The following EPB41L3 variants were observed in gnomAD, a reference collection of about 807,000 sequenced individuals.
EPB41L3 encodes the protein erythrocyte membrane protein band 4.1 like 3.
EPB41L3 carries 57 observed loss-of-function variants against 127.1 expected under a neutral mutation model. The observed-to-expected ratio is 0.45, with a 90% CI of 0.36 to 0.56. The LOEUF is 0.56. Among genes scored for constraint, EPB41L3 ranks in the 20% least tolerant of loss-of-function variants. The probability of loss-of-function intolerance (pLI) is 0.00; values close to 1 mark genes in which losing one functional copy is unlikely to be tolerated. For missense variants in EPB41L3, 1,273 were observed against 1,372.2 expected, an observed-to-expected ratio of 0.93 and a Z score of 1.14; for synonymous variants, 572 against 549.5, an observed-to-expected ratio of 1.04 and a Z score of -0.57.
At chr18:5,557,021 C>T (rs1159269045) in intron 3 of EPB41L3, among the ~76,000 whole-genome samples, 1 of 152,136 alleles carries the variant, frequency 6.6e-6, no homozygotes, top group Non-Finnish European at 1.5e-5. Context: ...TCTGTGGACA[C>T]ATAGCTGCAA....
chr18:5,450,617 AAAAT>A (rs1047968231), intron 3 of EPB41L3, among the ~76,000 whole-genome samples: 88 of 151,784 alleles, frequency 5.8e-4, no homozygotes, highest in Non-Finnish European at 6.5e-4. Flanking sequence ...AATTGTTAAT[AAAAT>A]AATTAATTAA....
chr18:5,627,718 G>A lies in EPB41L3; in HGVS notation c.-468+1204C>T, dbSNP rs544814579. ...ACACCTACTAAATGCCAGACTCTGGGAATAAAAGAATGAGAAAGAGCCCTG... is the reference window on the plus strand; with the variant it reads ...ACACCTACTAAATGCCAGACTCTGGAAATAAAAGAATGAGAAAGAGCCCTG... On this transcript the variant is annotated intron_variant, in intron 1 of 21. Coordinates refer to the EPB41L3 transcript ENST00000545076. Among the ~76,000 whole-genome samples the A allele has an allele frequency of 1.6e-4, 25 of 151,578 alleles. 1 individual carries two copies. The South Asian group carries it at 3.9e-3, about 24-fold the overall frequency.
chr18:5,503,617 G>GC (rs2091922975), intron 1 of EPB41L3, among the ~76,000 whole-genome samples: 1 of 152,092 alleles, frequency 6.6e-6, no homozygotes, highest in South Asian at 2.1e-4. Flanking sequence ...CCAACCACTG[G>GC]CCCCTCTCCA....
intron 1 of EPB41L3, among the ~76,000 whole-genome samples, chr18:5,622,684 G>C (rs1465604693): frequency 2.6e-5 from 4 of 152,286 alleles, no homozygotes; most frequent in African/African-American, 9.6e-5. Flanking sequence ...ATGCAAATAT[G>C]TTTTAATTTG....
intron 3 of EPB41L3, among the ~76,000 whole-genome samples, chr18:5,553,535 C>T (rs549235909): frequency 6.6e-6 from 1 of 152,294 alleles, no homozygotes; most frequent in South Asian, 2.1e-4. Context: ...AAGCTGTGCC[C>T]AAAATGGGGT....
chr18:5,398,343 G>A (rs1567976462), intron 16 of EPB41L3, 200 bp from the exon 17 acceptor site: 8 of 635,076 alleles, frequency 1.3e-5, no homozygotes, highest in East Asian at 1.1e-4. Context: ...AAGCAGAGAC[G>A]GTTATTAGGA....
At chr18:5,497,870 C>A (rs945757241) in intron 1 of EPB41L3, among the ~76,000 whole-genome samples, 1 of 152,190 alleles carries the variant, frequency 6.6e-6, no homozygotes, top group Admixed American at 6.5e-5. Context: ...ATCTGAGAAC[C>A]CAACTAATGG....
chr18:5,583,349 C>A (rs2094412819), intron 3 of EPB41L3, among the ~76,000 whole-genome samples: 1 of 152,152 alleles, frequency 6.6e-6, no homozygotes, highest in South Asian at 2.1e-4. Context: ...AATTTTAATC[C>A]ATGTCTACCT....
At chr18:5,624,914 G>A (rs1366599311) in intron 1 of EPB41L3, among the ~76,000 whole-genome samples, 1 of 152,164 alleles carries the variant, frequency 6.6e-6, no homozygotes, top group African/African-American at 2.4e-5. Context: ...AACATCACAA[G>A]GGAGGTGGTG....
intron 14 of EPB41L3, among the ~76,000 whole-genome samples, chr18:5,409,031 TG>T (rs1444887187): frequency 6.6e-6 from 1 of 152,214 alleles, no homozygotes; most frequent in Non-Finnish European, 1.5e-5. Flanking sequence ...TCTTCTTATT[TG>T]CCAATGGGAC....
chr18:5,585,738 T>C (rs1164812213), intron 3 of EPB41L3, among the ~76,000 whole-genome samples: 1 of 152,182 alleles, frequency 6.6e-6, no homozygotes, highest in African/African-American at 2.4e-5. Context: ...CTTCATGAAC[T>C]GCATCACTCA....
chr18:5,520,826 G>A (rs548446198), intron 1 of EPB41L3, among the ~76,000 whole-genome samples: 13 of 152,148 alleles, frequency 8.5e-5, no homozygotes, highest in Admixed American at 3.3e-4. Context: ...TGGAAGCACT[G>A]AATAAGATAA....
intron 5 of EPB41L3, among the ~76,000 whole-genome samples, chr18:5,439,454 C>A (rs371766611): frequency 1.3e-5 from 2 of 152,200 alleles, no homozygotes; most frequent in African/African-American, 4.8e-5. Flanking sequence ...TACTTAGCTT[C>A]ATCAGTTTCT....
chr18:5,608,012 T>C (rs571038217), intron 3 of EPB41L3, among the ~76,000 whole-genome samples: 10 of 152,302 alleles, frequency 6.6e-5, no homozygotes, highest in African/African-American at 1.9e-4. Context: ...AACAGACCCC[T>C]TCTTCTACTG....
At chr18:5,566,601 G>GA (rs1420406161) in intron 3 of EPB41L3, among the ~76,000 whole-genome samples, 1 of 151,988 alleles carries the variant, frequency 6.6e-6, no homozygotes, top group Admixed American at 6.6e-5. Context: ...CACAGAATTG[G>GA]AAAAAACTAC....
At chr18:5,427,446 T>C (rs951613346) in intron 9 of EPB41L3, among the ~76,000 whole-genome samples, 1 of 152,216 alleles carries the variant, frequency 6.6e-6, no homozygotes, top group African/African-American at 2.4e-5. Context: ...ATGGAGGCTG[T>C]TGTCCAAGGA....
Position 5,396,251 on chromosome 18 carries a change from C to T in EPB41L3, c.2923G>A (p.Val975Met), listed in dbSNP as rs2073436048. 3 of 1,614,230 alleles carry T rather than the reference C, an allele frequency of 1.9e-6. No homozygotes were observed. The highest frequency in any genetic ancestry group is 2.5e-6 in the Non-Finnish European group (3 of 1,180,038). Residue 975 changes from valine (V) to methionine (M), a missense_variant, in exon 19 of 23, where the codon GTG becomes ATG. Transcript: ENST00000341928. The stretch of plus-strand genomic sequence containing the variant: ...TTGGTTTCGGTGTGAACTACTGGCA[C>T]TTCCTTCGTGGAAATTTCTAGCTTT... ...GVKLEISTKE[V>M]PVVHTETKTI...
intron 1 of EPB41L3, among the ~76,000 whole-genome samples, chr18:5,491,109 G>A (rs2090546126): frequency 6.6e-6 from 1 of 152,208 alleles, no homozygotes; most frequent in Non-Finnish European, 1.5e-5. Flanking sequence ...ACTGGACCAA[G>A]GAGACAACAG....
intron 3 of EPB41L3, among the ~76,000 whole-genome samples, chr18:5,569,717 C>T (rs539086898): frequency 8.5e-5 from 13 of 152,244 alleles, no homozygotes; most frequent in African/African-American, 2.6e-4. Flanking sequence ...GTGGTTTTTC[C>T]GGCATTCCTA....
Sources: gnomAD v4.1 joint callset for allele counts (sites outside exome capture counted in the v4.1 genomes callset) on GRCh38, gnomAD v4.1.1 for gene constraint, MANE v1.5 for transcripts, NCBI Gene and HGNC (gene_info 2026-07-23, HGNC 2026-07-21) for gene names.